METAP2: variants seen among roughly 807,000 people sequenced by gnomAD.
METAP2 encodes methionine aminopeptidase 2.
A neutral mutation model predicts 59.4 loss-of-function variants in METAP2; 25 were observed. The ratio of observed to expected loss-of-function variants is 0.42; its 90% CI spans 0.31 to 0.59. The LOEUF is 0.59. METAP2 is among the 20% of genes least tolerant of loss of function. The pLI, the probability that METAP2 is intolerant of heterozygous loss-of-function variation, is 0.16. For missense variants in METAP2, 366 were observed against 581.2 expected (o/e 0.63, Z 3.81); for synonymous variants, 214 against 194.1 (o/e 1.10, Z -0.85).
rs781252542 is a variant in METAP2 at position 95,476,108 on chromosome 12, A to G, written c.189A>G (p.Ser63=). The G allele has an allele frequency of 6.2e-7, 1 of 1,612,258 alleles. No individual in the cohort carries two copies. The highest frequency in any genetic ancestry group is 8.5e-7 in the Non-Finnish European group (1 of 1,179,236). ...AACCTGATAAAGAATCAGGAGCCTC[A>G]GTGGATGAAGTAGCAAGACAGTTGG... ...EQEPDKESGA[S]VDEVARQLER... Residue 63 remains serine (S), a synonymous_variant, in exon 2 of 11, where the codon TCA becomes TCG. Transcript: ENST00000323666.
chr12:95,497,477 C>G (rs2076283942), intron 7 of METAP2, among the ~76,000 whole-genome samples: 1 of 152,238 alleles, frequency 6.6e-6, no homozygotes, highest in Non-Finnish European at 1.5e-5. Context: ...CATTCATCCA[C>G]TGATAGACAC....
chr12:95,511,211 G>A (rs1410410051), intron 8 of METAP2, among the ~76,000 whole-genome samples: 1 of 152,006 alleles, frequency 6.6e-6, no homozygotes, highest in Non-Finnish European at 1.5e-5. Flanking sequence ...CATATTAACA[G>A]TATCTTTCAC....
At chr12:95,477,348 C>T (rs563873500) in intron 2 of METAP2, among the ~76,000 whole-genome samples, 257 of 152,290 alleles carry the variant, frequency 1.7e-3, no homozygotes, top group Middle Eastern at 3.4e-3. Flanking sequence ...ACCTCAGCCT[C>T]CCAAGGTGCT....
chr12:95,482,988 A>G lies in METAP2; in HGVS notation c.260-227A>G, dbSNP rs563289542. ...GGATTCCAACTCCTTGGCTCAAGTG[A>G]TCCTCCCACCTCAGCTTCCCTAGTA... On this transcript the variant is annotated intron_variant, in intron 2 of 10. Coordinates refer to ENST00000323666, the MANE Select transcript of METAP2 (RefSeq NM_006838.4). 5.9e-5 allele frequency among the ~76,000 whole-genome samples: 9 copies of G among 152,236 alleles called. No homozygotes were observed. The South Asian group carries it at 1.9e-3, about 32-fold the overall frequency.
At chr12:95,511,456 A>G (rs2076402307) in intron 8 of METAP2, among the ~76,000 whole-genome samples, 2 of 118,324 alleles carry the variant, frequency 1.7e-5, no homozygotes, top group South Asian at 5.9e-4. Flanking sequence ...CAGTGATGTG[A>G]TCTTGGCTCA....
At chr12:95,506,223 A>G (rs1438595616) in intron 8 of METAP2, among the ~76,000 whole-genome samples, 1 of 151,934 alleles carries the variant, frequency 6.6e-6, no homozygotes, top group Non-Finnish European at 1.5e-5. Flanking sequence ...CTGGGACTAC[A>G]GATGTACAGT....
chr12:95,510,322 A>G (rs1351025991), intron 8 of METAP2, among the ~76,000 whole-genome samples: 1 of 152,162 alleles, frequency 6.6e-6, no homozygotes, highest in Non-Finnish European at 1.5e-5. Flanking sequence ...AATACCTGAG[A>G]CTAGGTAATT....
intron 3 of METAP2, 157 bp downstream of exon 3, chr12:95,483,437 C>A: frequency 2.2e-6 from 1 of 446,060 alleles, no homozygotes. Context: ...GATTGTGCCA[C>A]TGCACTGCAG....
At chr12:95,505,189 G>A (rs2140161466) in intron 8 of METAP2, among the ~76,000 whole-genome samples, 3 of 152,158 alleles carry the variant, frequency 2.0e-5, no homozygotes, top group Middle Eastern at 6.8e-3. Flanking sequence ...AGCATTCTTT[G>A]CATTTCCTGT....
At chr12:95,510,268 C>T (rs565759800) in intron 8 of METAP2, among the ~76,000 whole-genome samples, 46 of 152,284 alleles carry the variant, frequency 3.0e-4, no homozygotes, top group African/African-American at 7.5e-4. Context: ...TTCCAGAAGA[C>T]GCTCAGTCTC....
At chr12:95,512,951 T>A in intron 10 of METAP2, 35 bp downstream of exon 10, 1 of 1,209,864 alleles carries the variant, frequency 8.3e-7, no homozygotes, top group Non-Finnish European at 1.2e-6. Flanking sequence ...ATGTGGCTAA[T>A]TAGCATCTCT....
In METAP2 at chr12:95,476,115, G is replaced by A. The variant is rs149754522; in HGVS notation, c.196G>A (p.Glu66Lys). 5 of 1,612,514 alleles carry A rather than the reference G, an allele frequency of 3.1e-6. No individual in the cohort carries two copies. The highest frequency in any genetic ancestry group is 4.2e-6 in the Non-Finnish European group (5 of 1,179,412). ...TAAAGAATCAGGAGCCTCAGTGGAT[G>A]AAGTAGCAAGACAGTTGGAAAGATC... ...PDKESGASVD[E>K]VARQLERSAL... Residue 66 changes from glutamate to lysine, a missense_variant, in exon 2 of 11, where the codon GAA becomes AAA. By Grantham distance (56) the Glu-to-Lys change is moderately conservative (BLOSUM62 1). Around this residue, in one of 4 missense-constraint regions of METAP2, gnomAD observed 177 missense variants for 180.3 expected, o/e 0.98. Coordinates refer to ENST00000323666, the MANE Select transcript of METAP2 (RefSeq NM_006838.4).
rs956946148 is a variant in METAP2, at chr12:95,514,349, A to G, written c.*445A>G. ...AAAGACATTTTCAGATCTGAGAGCT[A>G]CATCTCAATGTCTGTGGTTATAATT... On this transcript the variant is annotated 3_prime_UTR_variant, in exon 11 of 11. Coordinates refer to ENST00000323666, the MANE Select transcript of METAP2 (RefSeq NM_006838.4). The G allele has an allele frequency of 6.4e-6, 1 of 156,520 alleles. No individual in the cohort carries two copies. The highest frequency in any genetic ancestry group is 2.4e-5 in the African/African-American group (1 of 41,542). 9.7% of individuals were successfully genotyped at this position (156,520 alleles called of 1,614,324 possible).
chr12:95,485,145 A>G (rs2076186649), intron 3 of METAP2, among the ~76,000 whole-genome samples: 1 of 152,102 alleles, frequency 6.6e-6, no homozygotes, highest in Non-Finnish European at 1.5e-5. Context: ...TTCGAAGGTT[A>G]TCCAGGATTT....
chr12:95,474,819 G>C (rs533345347), intron 1 of METAP2, among the ~76,000 whole-genome samples: 2 of 152,156 alleles, frequency 1.3e-5, no homozygotes, highest in Admixed American at 6.5e-5. Flanking sequence ...CCCGTTTCAC[G>C]TTGGGGTTGT....
intron 7 of METAP2, among the ~76,000 whole-genome samples, chr12:95,501,096 T>C (rs1162209116): frequency 6.6e-6 from 1 of 151,008 alleles, no homozygotes; most frequent in East Asian, 1.9e-4. Context: ...ACTGCAGCCT[T>C]GACCTACTGG....
chr12:95,509,839 C>CCCA (rs1350781091), intron 8 of METAP2, among the ~76,000 whole-genome samples: 1 of 148,974 alleles, frequency 6.7e-6, no homozygotes, highest in Non-Finnish European at 1.5e-5. Flanking sequence ...TAAGACCTCC[C>CCCA]CCCCAACCTT....
intron 1 of METAP2, 26 bp from the exon 2 acceptor site, chr12:95,476,045 G>T (rs1321475853): frequency 1.4e-6 from 2 of 1,415,192 alleles, no homozygotes; most frequent in South Asian, 1.2e-5. Flanking sequence ...TATTAGATTT[G>T]ATTTCTGCTA....
At chr12:95,503,292 T>C (rs2140159728) in intron 7 of METAP2, among the ~76,000 whole-genome samples, 1 of 152,288 alleles carries the variant, frequency 6.6e-6, no homozygotes, top group East Asian at 1.9e-4. Flanking sequence ...AACTTCAGGT[T>C]TTCTCAGGTC....
Sources: gnomAD v4.1 joint callset for allele counts (sites outside exome capture counted in the v4.1 genomes callset) on GRCh38, gnomAD v4.1.1 for gene constraint, gnomAD v4.1.1 regional missense constraint, MANE v1.5 for transcripts, NCBI Gene and HGNC (gene_info 2026-07-23, HGNC 2026-07-21) for gene names.